ABTB3: variants seen among roughly 807,000 people sequenced by gnomAD.
ABTB3 encodes the protein ankyrin repeat- and BTB/POZ domain-containing protein 3.
the ABTB3 span, among the ~76,000 whole-genome samples, chr12:107,406,345 G>A: frequency 5.0e-4 from 76 of 152,292 alleles, no homozygotes; most frequent in South Asian, 1.7e-3. Flanking sequence ...TGGGAGGATC[G>A]CTTGAGCCTA....
At chr12:107,471,682 G>A in the ABTB3 span, among the ~76,000 whole-genome samples, 1 of 152,186 alleles carries the variant, frequency 6.6e-6, no homozygotes, top group African/African-American at 2.4e-5. Flanking sequence ...AGACACAGAA[G>A]CAGCTTCCCC....
chr12:107,614,008 G>C, the ABTB3 span, among the ~76,000 whole-genome samples: 1 of 152,122 alleles, frequency 6.6e-6, no homozygotes, highest in Non-Finnish European at 1.5e-5. Flanking sequence ...GCACCATGCA[G>C]ACCCACGCAA....
chr12:107,432,925 C>T, the ABTB3 span, among the ~76,000 whole-genome samples: 12 of 152,300 alleles, frequency 7.9e-5, no homozygotes, highest in African/African-American at 2.2e-4. Flanking sequence ...CCACAGCCCA[C>T]TCATTAACAA....
At chr12:107,527,364 T>C in the ABTB3 span, among the ~76,000 whole-genome samples, 2 of 152,132 alleles carry the variant, frequency 1.3e-5, no homozygotes, top group African/African-American at 4.8e-5. Context: ...CTCCGCCTCC[T>C]GGGTTCAAGC....
the ABTB3 span, among the ~76,000 whole-genome samples, chr12:107,323,987 C>A: frequency 6.6e-6 from 1 of 152,184 alleles, no homozygotes; most frequent in African/African-American, 2.4e-5. Flanking sequence ...TTCAAGGCTG[C>A]CATTTTCTAG....
the ABTB3 span, among the ~76,000 whole-genome samples, chr12:107,451,832 T>C: frequency 1.3e-5 from 2 of 152,218 alleles, no homozygotes; most frequent in Admixed American, 6.5e-5. Flanking sequence ...AATAATACTA[T>C]AACAATCGCT....
At chr12:107,425,253 C>T in the ABTB3 span, among the ~76,000 whole-genome samples, 6 of 152,296 alleles carry the variant, frequency 3.9e-5, no homozygotes, top group South Asian at 2.1e-4. Context: ...GGATTGCACA[C>T]GTAATACTTC....
chr12:107,489,582 A>G, the ABTB3 span, among the ~76,000 whole-genome samples: 2 of 152,088 alleles, frequency 1.3e-5, no homozygotes, highest in South Asian at 4.1e-4. Flanking sequence ...CCATGCTTCA[A>G]TTTTCAGGGA....
At chr12:107,325,160 C>T in the ABTB3 span, among the ~76,000 whole-genome samples, 1 of 152,138 alleles carries the variant, frequency 6.6e-6, no homozygotes, top group Admixed American at 6.5e-5. Context: ...TTCAGGGATC[C>T]CCAATCACTT....
At chr12:107,448,796 C>A in the ABTB3 span, among the ~76,000 whole-genome samples, 2 of 152,106 alleles carry the variant, frequency 1.3e-5, no homozygotes, top group Admixed American at 6.5e-5. Context: ...ACCCACCACA[C>A]CTGGCCTCAG....
chr12:107,605,948 G>T, the ABTB3 span, among the ~76,000 whole-genome samples: 7 of 152,306 alleles, frequency 4.6e-5, no homozygotes, highest in Admixed American at 3.9e-4. Context: ...TTACTGAGAT[G>T]GGATGACTGA....
chr12:107,503,717 A>G, the ABTB3 span, among the ~76,000 whole-genome samples: 32 of 142,292 alleles, frequency 2.2e-4, no homozygotes, highest in Non-Finnish European at 4.5e-4. Context: ...TGATTGCGCC[A>G]CTGCCCTCCA....
chr12:107,470,010 T>C, the ABTB3 span, among the ~76,000 whole-genome samples: 3,344 of 56,490 alleles, frequency 0.059, 307 homozygotes, highest in African/African-American at 0.16. Flanking sequence ...CTTTCTTTCT[T>C]TCTCTCTCTC....
chr12:107,601,388 TG>T, the ABTB3 span, among the ~76,000 whole-genome samples: 1 of 152,246 alleles, frequency 6.6e-6, no homozygotes, highest in African/African-American at 2.4e-5. Context: ...TCCATTGAAG[TG>T]GTGAAAATTG....
chr12:107,365,882 A>G, the ABTB3 span, among the ~76,000 whole-genome samples: 3 of 152,220 alleles, frequency 2.0e-5, no homozygotes, highest in Non-Finnish European at 4.4e-5. Context: ...ATGGAATTTG[A>G]CAGCCTCTAA....
chr12:107,338,782 C>T, the ABTB3 span, among the ~76,000 whole-genome samples: 2 of 152,210 alleles, frequency 1.3e-5, no homozygotes, highest in African/African-American at 2.4e-5. Context: ...GGTGATGAGG[C>T]TCCTCGAGAG....
At chr12:107,329,116 A>G in the ABTB3 span, among the ~76,000 whole-genome samples, 1 of 152,158 alleles carries the variant, frequency 6.6e-6, no homozygotes, top group African/African-American at 2.4e-5. Context: ...TGCCATAAGA[A>G]GCACAGGCCC....
the ABTB3 span, among the ~76,000 whole-genome samples, chr12:107,351,073 G>A: frequency 6.6e-6 from 1 of 152,192 alleles, no homozygotes; most frequent in African/African-American, 2.4e-5. Context: ...AAGGGAGGAT[G>A]AAAGGGGTCC....
chr12:107,366,861 G>C, the ABTB3 span, among the ~76,000 whole-genome samples: 1 of 152,182 alleles, frequency 6.6e-6, no homozygotes, highest in Non-Finnish European at 1.5e-5. Context: ...CCTGGGAACA[G>C]GCAGGAAGGA....
Sources: gnomAD v4.1 joint callset for allele counts (sites outside exome capture counted in the v4.1 genomes callset) on GRCh38, gnomAD v4.1.1 for gene constraint, MANE v1.5 for transcripts, NCBI Gene and HGNC (gene_info 2026-07-23, HGNC 2026-07-21) for gene names.